Variants in RBM25 observed in about 807,000 individuals in gnomAD.
RBM25 encodes RNA binding motif protein 25, also known as RNA-binding protein 25.
In RBM25, 19 loss-of-function variants were observed where a neutral mutation model predicts 120.7. That is an observed-to-expected ratio of 0.16 (90% CI 0.11 to 0.23). The LOEUF (loss-of-function observed/expected upper bound fraction) is 0.23, where lower values mean the gene tolerates loss of function less well. Ranked by LOEUF, RBM25 falls within the 10% of genes least tolerant of loss-of-function variation. The pLI is 1.00. For synonymous variants in RBM25, 390 were observed against 326.7 expected (o/e 1.19, Z -2.09); for missense variants, 605 against 1,041.5 (o/e 0.58, Z 5.77).
At chr14:73,059,639 A>G (rs1894952838) in intron 1 of RBM25, among the ~76,000 whole-genome samples, 1 of 152,216 alleles carries the variant, frequency 6.6e-6, no homozygotes, top group South Asian at 2.1e-4. Context: ...GGCCGTGGGC[A>G]GTAATGTATA....
At chr14:73,089,456 G>T (rs896681850) in intron 6 of RBM25, among the ~76,000 whole-genome samples, 1 of 151,982 alleles carries the variant, frequency 6.6e-6, no homozygotes, top group Admixed American at 6.6e-5. Flanking sequence ...CCGTGTTCAG[G>T]TGATTCTCCT....
chr14:73,108,496 A>G (rs1226245183), intron 13 of RBM25, among the ~76,000 whole-genome samples: 6 of 152,242 alleles, frequency 3.9e-5, no homozygotes, highest in Admixed American at 3.3e-4. Flanking sequence ...AGTTGTGACA[A>G]CTGCCTTCTC....
chr14:73,102,992 T>C, intron 9 of RBM25, 200 bp from the exon 10 acceptor site: 1 of 1,100,686 alleles, frequency 9.1e-7, no homozygotes, highest in Non-Finnish European at 1.3e-6. Flanking sequence ...TCCTGGTCTG[T>C]GTAGAGTATA....
Position 73,111,554 on chromosome 14 carries a change from A to G in RBM25, c.2044A>G (p.Asn682Asp). The change falls in exon 16 of 19, where the codon AAT becomes GAT. Residue 682 changes from asparagine to aspartate, a missense_variant. By Grantham distance (23) the Asn-to-Asp change is conservative (BLOSUM62 1). Around this residue, in one of 4 missense-constraint regions of RBM25, gnomAD observed 465 missense variants for 741.6 expected, o/e 0.63. Transcript: ENST00000261973. ...TGCTTCCAATAGTCCTGGTCAGCCT[A>G]ATTCTGTGAAGAGAAAGAAACTACC... The part of the protein sequence containing the change: ...LGASNSPGQP[N>D]SVKRKKLPVD... 6.2e-7 allele frequency: 1 copy of G among 1,611,382 alleles called. No homozygotes were observed. The highest frequency in any genetic ancestry group is 8.5e-7 in the Non-Finnish European group (1 of 1,179,228).
intron 4 of RBM25, among the ~76,000 whole-genome samples, chr14:73,080,367 G>A (rs1217784391): frequency 6.6e-6 from 1 of 151,686 alleles, no homozygotes; most frequent in Non-Finnish European, 1.5e-5. Flanking sequence ...GGGACTACAG[G>A]CGCCCGCCAC....
At position 73,123,017 on chromosome 14, in the gene RBM25, G is replaced by A. The variant is rs573908904; in HGVS notation, c.*3212G>A. ...AATGTAATCTTGCAAAATTATGTCT[G>A]AGAAAGCCCTAATATTCTAGGCTTT... On this transcript the variant is annotated 3_prime_UTR_variant, in exon 19 of 19. Coordinates refer to ENST00000261973, the MANE Select transcript of RBM25 (RefSeq NM_021239.3). The A allele has an allele frequency of 1.6e-4, 24 of 152,260 alleles. No homozygotes were observed. Among genetic ancestry groups the A allele is most frequent in the African/African-American group, 5.1e-4 (21 of 41,560 alleles). The allele number at this position is 152,260 out of a possible 1,614,324, so 9.4% of individuals were successfully genotyped here.
At chr14:73,099,327 T>C in intron 7 of RBM25, 53 bp from the exon 8 acceptor site, 2 of 1,507,432 alleles carry the variant, frequency 1.3e-6, no homozygotes, top group Non-Finnish European at 1.8e-6. Context: ...TGCAGATTAG[T>C]ATGAGCTCTG....
Position 73,088,042 on chromosome 14 carries a change from C to T in RBM25, c.424C>T (p.Arg142Cys). Reference sequence around the variant, plus strand: ...GTACAAGGAGCCAGAATCTACCCTCCGTGCACTCAGATTATTACATGACCT... The same window carrying T: ...GTACAAGGAGCCAGAATCTACCCTCTGTGCACTCAGATTATTACATGACCT... ...CEYKEPESTLRALRLLHDLQI... is the reference protein window; with the variant it reads ...CEYKEPESTLCALRLLHDLQI... The change falls in exon 6 of 19, where the codon CGT (arginine) becomes TGT (cysteine). Residue 142 changes from arginine (R) to cysteine (C), a missense_variant. Arg to Cys is a radical substitution (Grantham distance 180). Coordinates refer to ENST00000261973, the MANE Select transcript of RBM25 (RefSeq NM_021239.3). 2.5e-6 allele frequency: 4 copies of T among 1,614,154 alleles called. No homozygotes were observed. The highest frequency in any genetic ancestry group is 1.1e-5 in the South Asian group (1 of 91,082).
intron 6 of RBM25, among the ~76,000 whole-genome samples, chr14:73,093,951 T>TTG (rs1197150336): frequency 2.2e-4 from 32 of 147,524 alleles, no homozygotes; most frequent in African/African-American, 8.1e-4. Flanking sequence ...AGGTTTTGTT[T>TTG]TTTTTTTTTT....
At chr14:73,105,017 A>G (rs968579026) in intron 10 of RBM25, among the ~76,000 whole-genome samples, 5 of 129,870 alleles carry the variant, frequency 3.9e-5, no homozygotes, top group Non-Finnish European at 8.4e-5. Flanking sequence ...TAAAGAACAT[A>G]TTTCATATAT....
rs1050813655 is a variant in RBM25, at chr14:73,120,840, G to C, written c.*1035G>C. 1.3e-5 allele frequency: 2 copies of C among 152,156 alleles called. No homozygotes were observed. The allele number at this position is 152,156 out of a possible 1,614,324, so 9.4% of individuals were successfully genotyped here. ...GTTTTACAAACATGATAGGTATTCT[G>C]CTCGGCAATTTGTAAGTTTACATGT... On this transcript the variant is annotated 3_prime_UTR_variant, in exon 19 of 19. Transcript: ENST00000261973.
At chr14:73,110,025 C>T (rs557180824) in intron 14 of RBM25, among the ~76,000 whole-genome samples, 172 of 151,770 alleles carry the variant, frequency 1.1e-3, no homozygotes, top group African/African-American at 4.0e-3. Context: ...GCTGGGGTTA[C>T]AGGCACGTGC....
intron 1 of RBM25, chr14:73,068,195 G>T: frequency 1.1e-6 from 1 of 874,448 alleles, no homozygotes; most frequent in African/African-American, 1.6e-5. Flanking sequence ...GGAAAGCCTT[G>T]TTTTGGAACA....
At chr14:73,089,146 C>T (rs879921794) in intron 6 of RBM25, among the ~76,000 whole-genome samples, 39 of 151,684 alleles carry the variant, frequency 2.6e-4, no homozygotes, top group Admixed American at 9.9e-4. Flanking sequence ...TGTCTCCCTG[C>T]TGCCAAAAAA....
chr14:73,093,653 C>T (rs1263625950), intron 6 of RBM25, among the ~76,000 whole-genome samples: 1 of 151,904 alleles, frequency 6.6e-6, no homozygotes, highest in African/African-American at 2.4e-5. Context: ...AGTACAGGCA[C>T]CCGCCACCAC....
intron 4 of RBM25, among the ~76,000 whole-genome samples, chr14:73,078,819 G>A (rs1309955543): frequency 6.6e-6 from 1 of 152,086 alleles, no homozygotes; most frequent in African/African-American, 2.4e-5. Context: ...ATCCAGACTT[G>A]TCTTGAACTC....
At chr14:73,091,459 C>A (rs1464723244) in intron 6 of RBM25, among the ~76,000 whole-genome samples, 1 of 152,184 alleles carries the variant, frequency 6.6e-6, no homozygotes, top group African/African-American at 2.4e-5. Flanking sequence ...AGTGATCCAC[C>A]TACTTCAGCC....
chr14:73,104,466 T>A (rs916631747), intron 10 of RBM25, among the ~76,000 whole-genome samples: 15 of 152,038 alleles, frequency 9.9e-5, no homozygotes, highest in African/African-American at 3.6e-4. Flanking sequence ...CCTCCCAGGC[T>A]TAAGCAATTC....
intron 2 of RBM25, among the ~76,000 whole-genome samples, chr14:73,074,165 C>G (rs1275198851): frequency 6.6e-6 from 1 of 152,066 alleles, no homozygotes; most frequent in Non-Finnish European, 1.5e-5. Context: ...TCCGTATATC[C>G]TGATTTTCTT....
Sources: gnomAD v4.1 joint callset for allele counts (sites outside exome capture counted in the v4.1 genomes callset) on GRCh38, gnomAD v4.1.1 for gene constraint, gnomAD v4.1.1 regional missense constraint, MANE v1.5 for transcripts, NCBI Gene and HGNC (gene_info 2026-07-23, HGNC 2026-07-21) for gene names.